SAMD4A: variants seen among roughly 807,000 people sequenced by gnomAD.
SAMD4A encodes the protein protein Smaug homolog 1.
SAMD4A carries 33 observed loss-of-function variants against 81.3 expected under a neutral mutation model. The observed-to-expected ratio is 0.41, with a 90% CI of 0.31 to 0.54. The LOEUF is 0.54. SAMD4A is among the 20% of genes least tolerant of loss of function. The probability of loss-of-function intolerance (pLI) is 0.37; values close to 1 mark genes in which losing one functional copy is unlikely to be tolerated. For missense variants in SAMD4A, 854 were observed against 951.1 expected (o/e 0.90, Z 1.34); for synonymous variants, 389 against 382.1 (o/e 1.02, Z -0.21).
At chr14:54,784,493 C>T (rs1478621160) in intron 11 of SAMD4A, 44 bp from the exon 12 acceptor site, 1 of 1,612,540 alleles carries the variant, frequency 6.2e-7, no homozygotes, top group Admixed American at 1.7e-5. Flanking sequence ...TGGCACCCTG[C>T]TTATCTCCTC....
intron 5 of SAMD4A, among the ~76,000 whole-genome samples, chr14:54,750,287 T>TC (rs1353794497): frequency 6.6e-6 from 1 of 152,220 alleles, no homozygotes; most frequent in African/African-American, 2.4e-5. Context: ...TGTTTCATCT[T>TC]AGAGACTGGG....
intron 3 of SAMD4A, among the ~76,000 whole-genome samples, chr14:54,730,304 T>G (rs1363933005): frequency 2.0e-5 from 3 of 152,146 alleles, no homozygotes; most frequent in Non-Finnish European, 4.4e-5. Context: ...AAGTTAGCTG[T>G]GTGTATTTGT....
intron 2 of SAMD4A, among the ~76,000 whole-genome samples, chr14:54,633,252 A>C (rs1358585761): frequency 6.6e-6 from 1 of 152,178 alleles, no homozygotes; most frequent in Non-Finnish European, 1.5e-5. Context: ...CCAGCCACGT[A>C]AGATCTGGGA....
chr14:54,709,825 A>G (rs1252913948), intron 3 of SAMD4A, among the ~76,000 whole-genome samples: 1 of 152,160 alleles, frequency 6.6e-6, no homozygotes, highest in Non-Finnish European at 1.5e-5. Context: ...TTCCTGTCTA[A>G]GGTCTGTTAT....
In SAMD4A at chr14:54,644,256, A is replaced by C. The variant is rs77869937; in HGVS notation, c.197-57806A>C. On this transcript the variant is annotated intron_variant, in intron 2 of 12. Coordinates refer to ENST00000554335, the MANE Select transcript of SAMD4A (RefSeq NM_015589.6). Reference sequence around the variant, plus strand: ...GTCTAAGGTTACTAACTTGTGGTAAATGCAAATCTTCTCAAAGATGGGCAC... The same window carrying C: ...GTCTAAGGTTACTAACTTGTGGTAACTGCAAATCTTCTCAAAGATGGGCAC... 3.3e-5 allele frequency among the ~76,000 whole-genome samples: 5 copies of C among 152,362 alleles called. No individual in the cohort carries two copies. The East Asian group carries it at 9.6e-4, about 29-fold the overall frequency.
At chr14:54,763,065 T>C (rs920592479) in intron 7 of SAMD4A, among the ~76,000 whole-genome samples, 13 of 151,668 alleles carry the variant, frequency 8.6e-5, no homozygotes, top group South Asian at 2.1e-4. Flanking sequence ...CCGTGTTAGC[T>C]AGGATGGTCT....
At chr14:54,629,991 T>C (rs951340033) in intron 2 of SAMD4A, among the ~76,000 whole-genome samples, 11 of 152,226 alleles carry the variant, frequency 7.2e-5, no homozygotes, top group Non-Finnish European at 4.4e-5. Context: ...CATCATGTTG[T>C]AGCATGTGTC....
chr14:54,727,879 G>A (rs1421017816), intron 3 of SAMD4A, among the ~76,000 whole-genome samples: 1 of 152,164 alleles, frequency 6.6e-6, no homozygotes, highest in Non-Finnish European at 1.5e-5. Context: ...GGGGGAACCA[G>A]CAGTAAACAG....
chr14:54,656,649 A>G (rs992133966), intron 2 of SAMD4A, among the ~76,000 whole-genome samples: 3 of 152,152 alleles, frequency 2.0e-5, no homozygotes, highest in African/African-American at 7.2e-5. Flanking sequence ...GTTTTTTGAG[A>G]TGGAGTCTCA....
At chr14:54,566,021 C>A (rs2032919538), upstream of SAMD4A, among the ~76,000 whole-genome samples, 1 of 152,020 alleles carries the variant, frequency 6.6e-6, no homozygotes, top group Admixed American at 6.5e-5. Context: ...GGGTTCCTCT[C>A]CCCCCGCTCG....
At chr14:54,585,912 A>G (rs569671933) in intron 2 of SAMD4A, among the ~76,000 whole-genome samples, 144 of 152,236 alleles carry the variant, frequency 9.5e-4, no homozygotes, top group African/African-American at 3.3e-3. Flanking sequence ...GTGTGCAAGT[A>G]TCTTTTTCCT....
At chr14:54,574,492 G>A (rs1478035283) in intron 2 of SAMD4A, among the ~76,000 whole-genome samples, 1 of 152,152 alleles carries the variant, frequency 6.6e-6, no homozygotes. Flanking sequence ...GGCTTCCTGG[G>A]CCTTTGAAGG....
intron 3 of SAMD4A, among the ~76,000 whole-genome samples, chr14:54,723,320 C>G (rs1594859127): frequency 6.6e-6 from 1 of 152,078 alleles, no homozygotes; most frequent in East Asian, 1.9e-4. Flanking sequence ...CAGGTGATTT[C>G]TAATTTAGTT....
chr14:54,638,147 G>C (rs1036706774), intron 2 of SAMD4A, among the ~76,000 whole-genome samples: 10 of 152,128 alleles, frequency 6.6e-5, no homozygotes, highest in Non-Finnish European at 7.3e-5. Context: ...TACTCTCCAG[G>C]GGCAAAAGAA....
At chr14:54,602,991 C>A (rs1008331807) in intron 2 of SAMD4A, among the ~76,000 whole-genome samples, 1 of 152,178 alleles carries the variant, frequency 6.6e-6, no homozygotes, top group African/African-American at 2.4e-5. Context: ...TTTAACAGAA[C>A]CCCCTGGTGA....
At chr14:54,747,752 G>A (rs1203229219) in intron 4 of SAMD4A, among the ~76,000 whole-genome samples, 1 of 152,112 alleles carries the variant, frequency 6.6e-6, no homozygotes, top group Non-Finnish European at 1.5e-5. Flanking sequence ...GGAGATCTGG[G>A]TTCTGGTTGC....
chr14:54,734,366 T>C (rs1037250463), intron 3 of SAMD4A, among the ~76,000 whole-genome samples: 1 of 152,244 alleles, frequency 6.6e-6, no homozygotes, highest in Non-Finnish European at 1.5e-5. Flanking sequence ...TACGGAGATA[T>C]TCCTGAATTT....
Position 54,773,484 on chromosome 14 carries a change from G to A in SAMD4A, c.1716-1450G>A, listed in dbSNP as rs117779287. ...AGCTGACTCTTCTTGGAAAGAATGTGCTGGTTCCTGAAACCCTGCCGGCTG... is the reference window on the plus strand; with the variant it reads ...AGCTGACTCTTCTTGGAAAGAATGTACTGGTTCCTGAAACCCTGCCGGCTG... On this transcript the variant is annotated intron_variant, in intron 9 of 12. Coordinates refer to ENST00000554335, the MANE Select transcript of SAMD4A (RefSeq NM_015589.6). 5.7e-4 allele frequency among the ~76,000 whole-genome samples: 87 copies of A among 152,354 alleles called. No individual in the cohort carries two copies. In the East Asian group the frequency reaches 0.017, roughly 29 times the overall value.
intron 2 of SAMD4A, among the ~76,000 whole-genome samples, chr14:54,589,039 T>G (rs2140174287): frequency 1.3e-5 from 2 of 152,316 alleles, no homozygotes; most frequent in East Asian, 3.9e-4. Flanking sequence ...TATTAAGAAT[T>G]ATAACATTTT....
Sources: gnomAD v4.1 joint callset for allele counts (sites outside exome capture counted in the v4.1 genomes callset) on GRCh38, gnomAD v4.1.1 for gene constraint, MANE v1.5 for transcripts, NCBI Gene and HGNC (gene_info 2026-07-23, HGNC 2026-07-21) for gene names.